The following CHD9 variants were observed in gnomAD, a reference collection of about 807,000 sequenced individuals.
The protein encoded by CHD9 is ATP-dependent chromatin remodeler CHD9.
CHD9 carries 77 observed loss-of-function variants against 316.1 expected under a neutral mutation model. The ratio of observed to expected loss-of-function variants is 0.24; its 90% CI spans 0.20 to 0.29. CHD9 has a LOEUF of 0.29. CHD9 is among the 10% of genes least tolerant of loss of function. The probability of loss-of-function intolerance (pLI) is 1.00; values close to 1 mark genes in which losing one functional copy is unlikely to be tolerated. For synonymous variants in CHD9, 1,129 were observed against 1,158.3 expected, an observed-to-expected ratio of 0.97 and a Z score of 0.51; for missense variants, 2,763 against 3,438.1, an observed-to-expected ratio of 0.80 and a Z score of 4.91.
At chr16:53,228,260 C>G (rs2152920592) in intron 7 of CHD9, among the ~76,000 whole-genome samples, 1 of 151,892 alleles carries the variant, frequency 6.6e-6, no homozygotes, top group African/African-American at 2.4e-5. Flanking sequence ...CTTACAGTCC[C>G]AGCTATTCTG....
chr16:53,208,995 C>T (rs1408930735), intron 2 of CHD9, among the ~76,000 whole-genome samples: 2 of 152,012 alleles, frequency 1.3e-5, no homozygotes, highest in Non-Finnish European at 2.9e-5. Context: ...TATGTTGCTG[C>T]ACTTAAATAT....
At chr16:53,323,106 G>A (rs1457364216) in intron 38 of CHD9, among the ~76,000 whole-genome samples, 1 of 152,118 alleles carries the variant, frequency 6.6e-6, no homozygotes. Flanking sequence ...TGGCTGTTGA[G>A]CACTTGAAAT....
At chr16:53,250,973 G>A (rs1265966323) in intron 17 of CHD9, among the ~76,000 whole-genome samples, 1 of 152,134 alleles carries the variant, frequency 6.6e-6, no homozygotes, top group Non-Finnish European at 1.5e-5. Flanking sequence ...AATGGTTATT[G>A]AGAATATACC....
At chr16:53,084,969 T>G (rs1241488040) in intron 1 of CHD9, among the ~76,000 whole-genome samples, 1 of 152,230 alleles carries the variant, frequency 6.6e-6, no homozygotes, top group Non-Finnish European at 1.5e-5. Flanking sequence ...CGGGTAAACT[T>G]GGACTGCTAG....
chr16:53,242,668 G>A (rs886783224), intron 12 of CHD9, among the ~76,000 whole-genome samples, 172 bp from the exon 13 acceptor site: 37 of 152,010 alleles, frequency 2.4e-4, no homozygotes, highest in African/African-American at 6.5e-4. Flanking sequence ...TATTGAACAC[G>A]GCAATATAAT....
intron 1 of CHD9, among the ~76,000 whole-genome samples, chr16:53,106,382 T>A (rs2037350355): frequency 6.6e-6 from 1 of 152,196 alleles, no homozygotes; most frequent in Non-Finnish European, 1.5e-5. Context: ...CTAAATGTGC[T>A]GTTTGGTGAA....
intron 22 of CHD9, among the ~76,000 whole-genome samples, chr16:53,271,794 G>T (rs1329778322): frequency 1.3e-5 from 2 of 152,018 alleles, no homozygotes; most frequent in African/African-American, 2.4e-5. Flanking sequence ...GTAAAAAGAA[G>T]ATTGAATGAT....
intron 2 of CHD9, among the ~76,000 whole-genome samples, chr16:53,180,726 G>A (rs910585336): frequency 9.9e-5 from 15 of 151,996 alleles, no homozygotes; most frequent in African/African-American, 3.6e-4. Flanking sequence ...AGGCTGGAGT[G>A]CAGTGGCGCG....
rs898574670 is a variant in CHD9 at position 53,205,293 on chromosome 16, A to G, written c.1453-4189A>G. 3.9e-5 allele frequency among the ~76,000 whole-genome samples: 6 copies of G among 152,358 alleles called. No individual in the cohort carries two copies. The South Asian group carries it at 1.2e-3, about 32-fold the overall frequency. On this transcript the variant is annotated intron_variant, in intron 2 of 38. Coordinates refer to ENST00000447540, the MANE Select transcript of CHD9 (RefSeq NM_001308319.2). ...TTTACTCCATTTGAATAGGGTGCAG[A>G]CCTAGTAATCCATCATCCCCAAAGA... is the stretch of plus-strand genomic sequence containing the variant.
intron 24 of CHD9, among the ~76,000 whole-genome samples, chr16:53,277,784 G>A (rs1162113393): frequency 6.6e-6 from 1 of 152,006 alleles, no homozygotes; most frequent in African/African-American, 2.4e-5. Context: ...GAGAAAGAAA[G>A]GGCATCCAAA....
At chr16:53,086,168 C>T (rs2035445215) in intron 1 of CHD9, among the ~76,000 whole-genome samples, 1 of 152,138 alleles carries the variant, frequency 6.6e-6, no homozygotes, top group Non-Finnish European at 1.5e-5. Context: ...CAGGGAGGCC[C>T]ACGTGGGTCT....
chr16:53,172,245 A>G (rs1407294455), intron 2 of CHD9, among the ~76,000 whole-genome samples: 1 of 152,008 alleles, frequency 6.6e-6, no homozygotes, highest in Non-Finnish European at 1.5e-5. Flanking sequence ...CTGTCACTCT[A>G]TGTCCATTTT....
At chr16:53,145,379 G>A (rs1024423032) in intron 1 of CHD9, among the ~76,000 whole-genome samples, 20 of 151,210 alleles carry the variant, frequency 1.3e-4, no homozygotes, top group Non-Finnish European at 2.8e-4. Flanking sequence ...TCGAACTACC[G>A]ACCTCAGGTG....
chr16:53,169,933 G>A (rs538266092), intron 2 of CHD9, among the ~76,000 whole-genome samples: 54 of 152,022 alleles, frequency 3.6e-4, no homozygotes, highest in Middle Eastern at 3.4e-3. Context: ...TAATACAAGT[G>A]TTCCCTGTCC....
intron 1 of CHD9, among the ~76,000 whole-genome samples, chr16:53,109,601 C>CTGGGATT (rs2037668697): frequency 6.7e-6 from 1 of 150,184 alleles, no homozygotes; most frequent in South Asian, 2.1e-4. Flanking sequence ...TCCCAAAGTG[C>CTGGGATT]TGGGATTACG....
intron 1 of CHD9, among the ~76,000 whole-genome samples, chr16:53,103,309 A>G (rs531091904): frequency 2.0e-5 from 3 of 152,040 alleles, no homozygotes; most frequent in Non-Finnish European, 4.4e-5. Flanking sequence ...CTGGGATTAC[A>G]GGTGTGAGCC....
At chr16:53,071,632 A>G (rs2034060335) in intron 1 of CHD9, among the ~76,000 whole-genome samples, 1 of 152,206 alleles carries the variant, frequency 6.6e-6, no homozygotes, top group Non-Finnish European at 1.5e-5. Flanking sequence ...GCCTCAGGCT[A>G]GAAGACCCCA....
rs1189195371 is a variant in CHD9 at position 53,324,754 on chromosome 16, T to C, written c.8553T>C (p.Asp2851=). ...AAGAAGAAGATTCCAGAATTAAAGA[T>C]CAGGAAGACAAAGGAGGAACTGAAC... ...EVKEEDSRIK[D]QEDKGGTEPS... Residue 2851 remains aspartate, a synonymous_variant, in exon 39 of 39, where the codon GAT becomes GAC. Transcript: ENST00000447540. The C allele has an allele frequency of 3.7e-6, 6 of 1,613,300 alleles. No homozygotes were observed. The highest frequency in any genetic ancestry group is 5.1e-6 in the Non-Finnish European group (6 of 1,179,694).
chr16:53,143,999 A>G (rs2040359980), intron 1 of CHD9, among the ~76,000 whole-genome samples: 1 of 152,190 alleles, frequency 6.6e-6, no homozygotes. Context: ...GGCATAGAAC[A>G]TTATAGATGA....
Sources: allele counts gnomAD v4.1 joint callset (sites outside exome capture counted in the v4.1 genomes callset), GRCh38; gene constraint gnomAD v4.1.1; transcripts MANE v1.5; gene names NCBI Gene and HGNC (gene_info 2026-07-23, HGNC 2026-07-21).